Variants in ANKS1B observed in about 807,000 individuals in gnomAD.
ANKS1B encodes the protein ankyrin repeat and sterile alpha motif domain-containing protein 1B.
ANKS1B carries 36 observed loss-of-function variants against 148.3 expected under a neutral mutation model. The ratio of observed to expected loss-of-function variants is 0.24; its 90% CI spans 0.19 to 0.32. ANKS1B has a LOEUF of 0.32. Ranked by LOEUF, ANKS1B falls within the 10% of genes least tolerant of loss-of-function variation. The pLI is 1.00. For synonymous variants in ANKS1B, 542 were observed against 560.8 expected, an observed-to-expected ratio of 0.97 and a Z score of 0.47; for missense variants, 1,157 against 1,542.6, an observed-to-expected ratio of 0.75 and a Z score of 4.19.
At chr12:99,742,204 A>G (rs1407322977) in intron 8 of ANKS1B, among the ~76,000 whole-genome samples, 2 of 151,982 alleles carry the variant, frequency 1.3e-5, no homozygotes, top group East Asian at 1.9e-4. Flanking sequence ...CCCCCATGAC[A>G]TAAGTTTAGC....
intron 17 of ANKS1B, among the ~76,000 whole-genome samples, chr12:98,964,945 T>G (rs904727290): frequency 6.6e-6 from 1 of 152,098 alleles, no homozygotes; most frequent in South Asian, 2.1e-4. Context: ...CAACAATAAT[T>G]TATTGTACAT....
intron 9 of ANKS1B, among the ~76,000 whole-genome samples, chr12:99,550,810 A>G (rs1164545110): frequency 1.3e-5 from 2 of 152,320 alleles, no homozygotes; most frequent in South Asian, 2.1e-4. Flanking sequence ...AACAACAACT[A>G]TAAAGCTTCT....
intron 17 of ANKS1B, among the ~76,000 whole-genome samples, chr12:98,970,108 T>C (rs542262564): frequency 2.6e-5 from 4 of 152,382 alleles, no homozygotes; most frequent in South Asian, 4.1e-4. Flanking sequence ...GTTTCTCTAA[T>C]GGAGTTTTGC....
chr12:99,567,611 G>T (rs932659242), intron 9 of ANKS1B, among the ~76,000 whole-genome samples: 1 of 152,098 alleles, frequency 6.6e-6, no homozygotes, highest in African/African-American at 2.4e-5. Flanking sequence ...GGTAAGAAAA[G>T]GTCCCTAAAA....
intron 25 of ANKS1B, among the ~76,000 whole-genome samples, chr12:98,756,894 C>T (rs970712212): frequency 1.3e-5 from 2 of 151,526 alleles, no homozygotes; most frequent in South Asian, 2.1e-4. Flanking sequence ...CGCCTGGCTA[C>T]TTTTTTGTAT....
intron 1 of ANKS1B, among the ~76,000 whole-genome samples, chr12:99,857,442 T>C (rs372134045): frequency 1.3e-5 from 2 of 152,154 alleles, no homozygotes; most frequent in South Asian, 2.1e-4. Flanking sequence ...AGAATCAATA[T>C]TGTGAAAATG....
intron 17 of ANKS1B, among the ~76,000 whole-genome samples, chr12:98,836,846 C>G (rs372432042): frequency 6.6e-6 from 1 of 151,994 alleles, no homozygotes; most frequent in Non-Finnish European, 1.5e-5. Context: ...CAATTCAGTT[C>G]GGCTCAAAAA....
rs574838218 is a variant in ANKS1B at position 99,415,967 on chromosome 12, A to G, written c.1576-16156T>C. 5.9e-5 allele frequency among the ~76,000 whole-genome samples: 9 copies of G among 151,798 alleles called. No individual in the cohort carries two copies. In the East Asian group the frequency reaches 1.2e-3, roughly 20 times the overall value. On this transcript the variant is annotated intron_variant, in intron 11 of 26. Coordinates refer to ENST00000683438, the MANE Select transcript of ANKS1B (RefSeq NM_001352186.2). ...TAAAGTGCTGGAATTACAGGCGTGA[A>G]CCACCGCGCCAGGCCCCATTGCCCT...
At chr12:99,425,880 G>GT (rs2095243473) in intron 11 of ANKS1B, among the ~76,000 whole-genome samples, 1 of 148,594 alleles carries the variant, frequency 6.7e-6, no homozygotes, top group African/African-American at 2.4e-5. Context: ...TTTTAATAAA[G>GT]TTTTTTTGAT....
intron 14 of ANKS1B, among the ~76,000 whole-genome samples, chr12:99,210,406 T>C (rs947439663): frequency 7.9e-5 from 12 of 152,304 alleles, no homozygotes; most frequent in African/African-American, 2.9e-4. Flanking sequence ...CAGGATAGAC[T>C]TGTAGTAATT....
At chr12:99,936,905 C>T (rs2094789472) in intron 1 of ANKS1B, among the ~76,000 whole-genome samples, 2 of 152,184 alleles carry the variant, frequency 1.3e-5, no homozygotes, top group Admixed American at 1.3e-4. Flanking sequence ...TTCTCATCTA[C>T]ACTGAATGAC....
At chr12:99,190,397 C>A (rs368957094) in intron 14 of ANKS1B, among the ~76,000 whole-genome samples, 3 of 152,210 alleles carry the variant, frequency 2.0e-5, no homozygotes, top group East Asian at 3.9e-4. Flanking sequence ...TAATCCTAAG[C>A]AAAAAGATCA....
At chr12:99,492,849 T>C (rs1219777612) in intron 10 of ANKS1B, among the ~76,000 whole-genome samples, 1 of 152,034 alleles carries the variant, frequency 6.6e-6, no homozygotes, top group Non-Finnish European at 1.5e-5. Flanking sequence ...AAATTCAACA[T>C]AAAACCTCTC....
At chr12:99,908,951 C>A (rs1452396322) in intron 1 of ANKS1B, among the ~76,000 whole-genome samples, 1 of 152,126 alleles carries the variant, frequency 6.6e-6, no homozygotes, top group Non-Finnish European at 1.5e-5. Flanking sequence ...GATCTCTAGA[C>A]ATTCATGCTA....
At chr12:99,453,304 AAAAAG>A (rs2095789464) in intron 10 of ANKS1B, among the ~76,000 whole-genome samples, 1 of 152,200 alleles carries the variant, frequency 6.6e-6, no homozygotes, top group South Asian at 2.1e-4. Context: ...AAAAAGAATA[AAAAAG>A]AAAAAAAAAG....
intron 19 of ANKS1B, among the ~76,000 whole-genome samples, chr12:98,812,519 A>G (rs1044237103): frequency 2.6e-5 from 4 of 152,210 alleles, no homozygotes; most frequent in African/African-American, 9.7e-5. Flanking sequence ...TGCAAGTGGT[A>G]AAAAGTCAGA....
chr12:99,699,527 A>G (rs1187859763), intron 8 of ANKS1B, among the ~76,000 whole-genome samples: 4 of 152,182 alleles, frequency 2.6e-5, no homozygotes, highest in Non-Finnish European at 5.9e-5. Flanking sequence ...CAGTGGTTGC[A>G]CAATAAATAT....
chr12:99,473,737 T>C (rs2096275971), intron 10 of ANKS1B, among the ~76,000 whole-genome samples: 1 of 152,110 alleles, frequency 6.6e-6, no homozygotes, highest in Admixed American at 6.6e-5. Context: ...GGGAATTGTC[T>C]TTGCCAATTG....
At chr12:98,835,097 AATTATTATTATT>A (rs72558205) in intron 17 of ANKS1B, among the ~76,000 whole-genome samples, 60,992 of 148,842 alleles carry the variant, frequency 0.41, 12,814 homozygotes, top group Non-Finnish European at 0.44. Flanking sequence ...ACATTTGCTT[AATTATTATTATT>A]ATTATTATTA....
Sources: gnomAD v4.1 joint callset for allele counts (sites outside exome capture counted in the v4.1 genomes callset) on GRCh38, gnomAD v4.1.1 for gene constraint, MANE v1.5 for transcripts, NCBI Gene and HGNC (gene_info 2026-07-23, HGNC 2026-07-21) for gene names.